The following ZMIZ1 variants were observed in gnomAD, a reference collection of about 807,000 sequenced individuals.
The protein encoded by ZMIZ1 is zinc finger MIZ-type containing 1.
ZMIZ1 carries 17 observed loss-of-function variants against 113.9 expected under a neutral mutation model. The observed-to-expected ratio is 0.15, with a 90% CI of 0.10 to 0.22. The LOEUF (loss-of-function observed/expected upper bound fraction) is 0.22. ZMIZ1 is among the 10% of genes least tolerant of loss of function. The probability of loss-of-function intolerance (pLI) is 1.00; values close to 1 mark genes in which losing one functional copy is unlikely to be tolerated. For missense variants in ZMIZ1, 1,059 were observed against 1,477.8 expected (o/e 0.72, Z 4.65); for synonymous variants, 607 against 603.1 (o/e 1.01, Z -0.09).
intron 2 of ZMIZ1, among the ~76,000 whole-genome samples, chr10:79,136,219 G>T (rs923702633): frequency 6.6e-6 from 1 of 152,218 alleles, no homozygotes; most frequent in African/African-American, 2.4e-5. Context: ...TAAAATGAGA[G>T]AATTGGACAA....
At chr10:79,187,532 A>G (rs527302587) in intron 4 of ZMIZ1, among the ~76,000 whole-genome samples, 15 of 152,342 alleles carry the variant, frequency 9.8e-5, no homozygotes, top group African/African-American at 2.4e-4. Flanking sequence ...GGCCTGGTGC[A>G]GCGAGTGGGC....
chr10:79,202,446 A>T (rs1444095283), intron 5 of ZMIZ1, among the ~76,000 whole-genome samples: 2 of 151,910 alleles, frequency 1.3e-5, no homozygotes, highest in African/African-American at 2.4e-5. Context: ...TGTATTTTTT[A>T]AAAAAAGAAA....
At chr10:79,159,629 C>G (rs1015660055) in intron 3 of ZMIZ1, among the ~76,000 whole-genome samples, 5 of 152,212 alleles carry the variant, frequency 3.3e-5, no homozygotes, top group Admixed American at 6.5e-5. Context: ...CAGTGTCCAC[C>G]TCACAGCGTT....
At chr10:79,151,955 G>T (rs1255334228) in intron 3 of ZMIZ1, among the ~76,000 whole-genome samples, 1 of 152,188 alleles carries the variant, frequency 6.6e-6, no homozygotes, top group East Asian at 1.9e-4. Context: ...GCCTCATCTC[G>T]CCCGCCGCCA....
chr10:79,166,872 C>T (rs1247096210), intron 4 of ZMIZ1, among the ~76,000 whole-genome samples: 3 of 152,256 alleles, frequency 2.0e-5, no homozygotes, highest in African/African-American at 7.2e-5. Flanking sequence ...GTCAGCCAGT[C>T]TTCCTGGAAG....
chr10:79,164,435 A>T (rs1273742456), intron 4 of ZMIZ1, among the ~76,000 whole-genome samples: 1 of 75,902 alleles, frequency 1.3e-5, no homozygotes, highest in Non-Finnish European at 2.7e-5. Context: ...TGAGTGAGTG[A>T]GTGATTCTCA....
In ZMIZ1 at chr10:79,314,229, G is replaced by C. The variant is rs1217721804; in HGVS notation, c.*1480G>C. On this transcript the variant is annotated 3_prime_UTR_variant, in exon 25 of 25. Coordinates refer to ENST00000334512, the MANE Select transcript of ZMIZ1 (RefSeq NM_020338.4). ...TGTTCACTTTGTTTCAGGCTGGTCTGTGCCCCGTGAGCCACATGGCCTAGG... is the reference window on the plus strand; with the variant it reads ...TGTTCACTTTGTTTCAGGCTGGTCTCTGCCCCGTGAGCCACATGGCCTAGG... The C allele has an allele frequency of 2.2e-6, 1 of 457,044 alleles. No individual in the cohort carries two copies. Among genetic ancestry groups the C allele is most frequent in the Non-Finnish European group, 4.4e-6 (1 of 227,006 alleles). The allele number at this position is 457,044 out of a possible 1,614,324, so 28.3% of individuals were successfully genotyped here.
intron 1 of ZMIZ1, among the ~76,000 whole-genome samples, chr10:79,091,570 T>C (rs1842983840): frequency 6.6e-6 from 1 of 152,034 alleles, no homozygotes; most frequent in Non-Finnish European, 1.5e-5. Flanking sequence ...GCTAGAGTGG[T>C]CGGTGGGGAG....
chr10:79,264,474 G>T (rs1170737161), intron 7 of ZMIZ1, among the ~76,000 whole-genome samples: 1 of 152,166 alleles, frequency 6.6e-6, no homozygotes, highest in Admixed American at 6.5e-5. Context: ...TCTCCAGCAC[G>T]CTTGCTTTGC....
At chr10:79,259,238 A>AG (rs1001287538) in intron 7 of ZMIZ1, among the ~76,000 whole-genome samples, 6 of 152,156 alleles carry the variant, frequency 3.9e-5, no homozygotes, top group East Asian at 1.9e-4. Flanking sequence ...GGGGCAGGGA[A>AG]GGGGGGGCTG....
rs777354272 is a variant in ZMIZ1, at chr10:79,229,033, A to G, written c.280+12759A>G. 6.6e-5 allele frequency among the ~76,000 whole-genome samples: 10 copies of G among 152,350 alleles called. No homozygotes were observed. The East Asian group carries it at 1.9e-3, about 29-fold the overall frequency. On this transcript the variant is annotated intron_variant, in intron 7 of 24. Coordinates refer to ENST00000334512, the MANE Select transcript of ZMIZ1 (RefSeq NM_020338.4). Reference sequence around the variant, plus strand: ...GTCCAGGCTCTGAGACCTACTTGCTATGTGACTGTATGCAAATCACTCTCT... The same window carrying G: ...GTCCAGGCTCTGAGACCTACTTGCTGTGTGACTGTATGCAAATCACTCTCT...
intron 2 of ZMIZ1, among the ~76,000 whole-genome samples, chr10:79,127,255 T>C (rs1844557715): frequency 6.6e-6 from 1 of 152,170 alleles, no homozygotes; most frequent in Non-Finnish European, 1.5e-5. Flanking sequence ...CTCCTCCCCA[T>C]AGCCCTGGGC....
Position 79,070,879 on chromosome 10 carries a change from C to T in ZMIZ1, c.-337+1609C>T, listed in dbSNP as rs1466720016. Among the ~76,000 whole-genome samples, 7 of 151,702 alleles carry T rather than the reference C, an allele frequency of 4.6e-5. No homozygotes were observed. In the East Asian group the frequency reaches 1.4e-3, roughly 30 times the overall value. On this transcript the variant is annotated intron_variant, in intron 1 of 24. Transcript: ENST00000334512. Reference sequence around the variant, plus strand: ...CTCCCGCTGCTCCTTCCCCCGCGCGCTCTCCCCCTTCTCCTCTCCCCTGAC... The same window carrying T: ...CTCCCGCTGCTCCTTCCCCCGCGCGTTCTCCCCCTTCTCCTCTCCCCTGAC...
chr10:79,088,092 G>A (rs1015632000), intron 1 of ZMIZ1, among the ~76,000 whole-genome samples: 21 of 152,336 alleles, frequency 1.4e-4, no homozygotes, highest in Admixed American at 1.1e-3. Flanking sequence ...CATGTGCATG[G>A]TCTGACCCCT....
intron 7 of ZMIZ1, among the ~76,000 whole-genome samples, chr10:79,233,798 C>T (rs1044102900): frequency 1.3e-5 from 2 of 152,186 alleles, no homozygotes; most frequent in Admixed American, 1.3e-4. Context: ...GGGGCCTCAG[C>T]TTCCCTCTGC....
At chr10:79,077,694 G>A (rs1842521259) in intron 1 of ZMIZ1, among the ~76,000 whole-genome samples, 1 of 152,206 alleles carries the variant, frequency 6.6e-6, no homozygotes, top group East Asian at 1.9e-4. Context: ...TATGAGCTCT[G>A]TAACTTTGGG....
chr10:79,071,753 C>T (rs1418796507), intron 1 of ZMIZ1, among the ~76,000 whole-genome samples: 3 of 152,126 alleles, frequency 2.0e-5, no homozygotes, highest in East Asian at 3.9e-4. Flanking sequence ...ATTGAAAGCC[C>T]TATCTGCTAC....
At chr10:79,129,767 G>A (rs1161007956) in intron 2 of ZMIZ1, among the ~76,000 whole-genome samples, 2 of 152,228 alleles carry the variant, frequency 1.3e-5, no homozygotes, top group East Asian at 1.9e-4. Flanking sequence ...AGGGCAGAGC[G>A]AGCCCCTGCC....
intron 2 of ZMIZ1, among the ~76,000 whole-genome samples, chr10:79,137,758 G>A (rs779671): frequency 0.42 from 63,010 of 151,504 alleles, 15,175 homozygotes; most frequent in South Asian, 0.71. Flanking sequence ...CCGAGAGGAG[G>A]CAGGAGAGCC....
Sources: gnomAD v4.1 joint callset for allele counts (sites outside exome capture counted in the v4.1 genomes callset) on GRCh38, gnomAD v4.1.1 for gene constraint, MANE v1.5 for transcripts, NCBI Gene and HGNC (gene_info 2026-07-23, HGNC 2026-07-21) for gene names.